PCDHA11: variants seen among roughly 807,000 people sequenced by gnomAD.
The protein encoded by PCDHA11 is protocadherin alpha-11.
Under a neutral mutation model 70.3 loss-of-function variants are expected in PCDHA11, and 61 were observed. The ratio of observed to expected loss-of-function variants is 0.87; its 90% CI spans 0.71 to 1.07. The LOEUF is 1.07. Ranked by LOEUF, PCDHA11 falls within the 50% of genes least tolerant of loss-of-function variation. The pLI is 0.00. For synonymous variants in PCDHA11, 633 were observed against 555.1 expected (o/e 1.14, Z -1.97); for missense variants, 1,324 against 1,237.5 (o/e 1.07, Z -1.05).
chr5:140,956,060 G>A (rs1021406649), intron 1 of PCDHA11, among the ~76,000 whole-genome samples: 12 of 152,074 alleles, frequency 7.9e-5, no homozygotes, highest in African/African-American at 2.9e-4. Context: ...GAGACAATGG[G>A]GTTTTCCAGA....
chr5:140,938,226 A>G lies in PCDHA11; in HGVS notation c.2392-40723A>G, dbSNP rs529190111. On this transcript the variant is annotated intron_variant, in intron 1 of 3. Transcript: ENST00000398640. ...CTCCCAAAGTGCTGGGATTACAGGC[A>G]TAGGCCACCATGCCTGGTCTTTTAA... Among the ~76,000 whole-genome samples the G allele has an allele frequency of 3.3e-5, 5 of 152,330 alleles. No individual in the cohort carries two copies. In the South Asian group the frequency reaches 1.0e-3, roughly 32 times the overall value.
intron 1 of PCDHA11, among the ~76,000 whole-genome samples, chr5:140,920,083 G>A (rs536573725): frequency 3.3e-5 from 5 of 152,260 alleles, no homozygotes; most frequent in East Asian, 1.9e-4. Flanking sequence ...CAGATTCTCC[G>A]TAGAGCCTCT....
chr5:140,923,219 CGTTTGAGCCCAGAA>C (rs6149268), intron 1 of PCDHA11, among the ~76,000 whole-genome samples: 47,935 of 151,966 alleles, frequency 0.32, 7,912 homozygotes, highest in East Asian at 0.52. Context: ...GTGAAAGGAT[CGTTTGAGCCCAGAA>C]GTTTGAGACC....
intron 1 of PCDHA11, among the ~76,000 whole-genome samples, chr5:140,939,846 T>G (rs2092473465): frequency 6.6e-6 from 1 of 152,222 alleles, no homozygotes; most frequent in Non-Finnish European, 1.5e-5. Flanking sequence ...GTTGTTGTGT[T>G]CTGTATATGT....
chr5:140,876,827 C>G, intron 1 of PCDHA11: 1 of 1,614,182 alleles, frequency 6.2e-7, no homozygotes, highest in Non-Finnish European at 8.5e-7. Flanking sequence ...AACGACAATG[C>G]GCCTGCGTTC....
Position 140,870,560 on chromosome 5 carries a change from A to G in PCDHA11, c.1457A>G (p.Asn486Ser). 1 of 1,614,000 alleles carries G rather than the reference A, an allele frequency of 6.2e-7. No individual in the cohort carries two copies. The highest frequency in any genetic ancestry group is 1.7e-4 in the Middle Eastern group (1 of 6,050). The change falls in exon 1 of 4, where the codon AAC becomes AGC. Residue 486 changes from asparagine (N) to serine (S), a missense_variant. Asn to Ser is a conservative substitution (Grantham distance 46). Transcript: ENST00000398640. ...VSARDADAQENALVSYSLVER... is the reference protein window; with the variant it reads ...VSARDADAQESALVSYSLVER... ...GCGCGGGACGCGGACGCGCAGGAGAACGCGCTGGTGTCCTACTCGCTGGTG... is the reference window on the plus strand; with the variant it reads ...GCGCGGGACGCGGACGCGCAGGAGAGCGCGCTGGTGTCCTACTCGCTGGTG...
intron 3 of PCDHA11, among the ~76,000 whole-genome samples, chr5:140,985,145 G>A (rs2097138679): frequency 6.6e-6 from 1 of 152,080 alleles, no homozygotes; most frequent in South Asian, 2.1e-4. Context: ...CACCGTGTTA[G>A]CCAGGATTGT....
chr5:140,991,253 C>T (rs912017745), intron 3 of PCDHA11, among the ~76,000 whole-genome samples: 1 of 152,178 alleles, frequency 6.6e-6, no homozygotes, highest in East Asian at 1.9e-4. Context: ...AGTATTTGAA[C>T]TCATGTCTGC....
chr5:140,968,823 A>G (rs569036779), intron 1 of PCDHA11: 3 of 1,614,192 alleles, frequency 1.9e-6, no homozygotes, highest in Non-Finnish European at 2.5e-6. Context: ...AGGGTTTCCA[A>G]AATCCTCCCT....
intron 1 of PCDHA11, chr5:140,883,321 C>T: frequency 6.2e-7 from 1 of 1,614,120 alleles, no homozygotes; most frequent in South Asian, 1.1e-5. Flanking sequence ...CAGAGGTTAC[C>T]ATCACTTCTT....
chr5:140,968,080 G>A (rs782815703), intron 1 of PCDHA11: 14 of 1,614,102 alleles, frequency 8.7e-6, no homozygotes, highest in Middle Eastern at 1.7e-4. Context: ...ACAACATCAC[G>A]GTGACAGCCA....
chr5:140,874,129 GTTATC>G (rs1339746498), intron 1 of PCDHA11, among the ~76,000 whole-genome samples: 2 of 151,518 alleles, frequency 1.3e-5, no homozygotes, highest in Non-Finnish European at 2.9e-5. Flanking sequence ...GTTTATTTAA[GTTATC>G]TTATACTTGT....
chr5:140,911,036 G>A (rs2075296113), intron 1 of PCDHA11, among the ~76,000 whole-genome samples: 1 of 152,104 alleles, frequency 6.6e-6, no homozygotes, highest in African/African-American at 2.4e-5. Flanking sequence ...AGGTCTAGAA[G>A]CAAACAGGGG....
At chr5:140,996,752 GT>G (rs1406262736) in intron 3 of PCDHA11, among the ~76,000 whole-genome samples, 2 of 152,208 alleles carry the variant, frequency 1.3e-5, no homozygotes, top group East Asian at 3.9e-4. Flanking sequence ...AATTATATCT[GT>G]GCAGGACTAA....
intron 1 of PCDHA11, chr5:140,929,486 T>G (rs1258020318): frequency 8.8e-7 from 1 of 1,141,828 alleles, no homozygotes; most frequent in Non-Finnish European, 1.2e-6. Flanking sequence ...TATAGAAGTA[T>G]TAGAAGATTG....
chr5:140,956,186 T>C (rs1305769419), intron 1 of PCDHA11, among the ~76,000 whole-genome samples: 1 of 152,204 alleles, frequency 6.6e-6, no homozygotes, highest in Non-Finnish European at 1.5e-5. Context: ...AATACTATGC[T>C]GAATAGGAGT....
At chr5:141,000,398 T>TAA in intron 3 of PCDHA11, among the ~76,000 whole-genome samples, 1 of 55,032 alleles carries the variant, frequency 1.8e-5, no homozygotes, top group African/African-American at 7.5e-5. Flanking sequence ...TCTCTCTCTA[T>TAA]ATATATATAT....
intron 1 of PCDHA11, among the ~76,000 whole-genome samples, chr5:140,905,589 G>T (rs1336272963): frequency 4.6e-5 from 7 of 152,084 alleles, no homozygotes; most frequent in African/African-American, 1.7e-4. Context: ...ATGATATTTT[G>T]CTGGGAATTG....
intron 1 of PCDHA11, chr5:140,927,289 A>G: frequency 6.2e-7 from 1 of 1,614,172 alleles, no homozygotes; most frequent in Non-Finnish European, 8.5e-7. Flanking sequence ...GCAGCTGCAC[A>G]TCCCCGAGTT....
Sources: allele counts gnomAD v4.1 joint callset (sites outside exome capture counted in the v4.1 genomes callset), GRCh38; gene constraint gnomAD v4.1.1; transcripts MANE v1.5; gene names NCBI Gene and HGNC (gene_info 2026-07-23, HGNC 2026-07-21).